The following TTC29 variants were observed in gnomAD, a reference collection of about 807,000 sequenced individuals.
The protein encoded by TTC29 is tetratricopeptide repeat domain 29.
Under a neutral mutation model 58.1 loss-of-function variants are expected in TTC29, and 49 were observed. The ratio of observed to expected loss-of-function variants is 0.84; its 90% CI spans 0.67 to 1.07. TTC29 has a LOEUF of 1.07. TTC29 is among the 50% of genes least tolerant of loss of function. TTC29 has a pLI of 0.00. For synonymous variants in TTC29, 209 were observed against 196.8 expected (o/e 1.06, Z -0.52); for missense variants, 582 against 555.6 (o/e 1.05, Z -0.48).
intron 6 of TTC29, among the ~76,000 whole-genome samples, chr4:146,901,004 C>T (rs866166060): frequency 6.6e-6 from 1 of 151,918 alleles, no homozygotes; most frequent in South Asian, 2.1e-4. Context: ...CCTATTTTCA[C>T]ATAATATGTA....
At chr4:146,862,783 G>C (rs1730319915) in intron 8 of TTC29, among the ~76,000 whole-genome samples, 1 of 152,168 alleles carries the variant, frequency 6.6e-6, no homozygotes. Flanking sequence ...CCCTTGCCTA[G>C]TTTCCCGAAG....
At chr4:146,895,414 C>T (rs1732702616) in intron 6 of TTC29, among the ~76,000 whole-genome samples, 1 of 152,248 alleles carries the variant, frequency 6.6e-6, no homozygotes, top group Admixed American at 6.5e-5. Context: ...CTATTATTTC[C>T]TTCTGGGTTT....
At chr4:146,882,777 C>T (rs1317209065) in intron 6 of TTC29, among the ~76,000 whole-genome samples, 1 of 152,028 alleles carries the variant, frequency 6.6e-6, no homozygotes, top group Non-Finnish European at 1.5e-5. Context: ...AGTTAACTTT[C>T]CCCCTCCACT....
intron 11 of TTC29, among the ~76,000 whole-genome samples, chr4:146,728,859 A>G (rs144475586): frequency 0.34 from 9,437 of 28,122 alleles, 2,703 homozygotes; most frequent in South Asian, 0.52. Context: ...ATATATATAC[A>G]CATATATATG....
At chr4:146,861,190 T>C (rs1730210611) in intron 8 of TTC29, among the ~76,000 whole-genome samples, 2 of 152,158 alleles carry the variant, frequency 1.3e-5, no homozygotes, top group Admixed American at 6.5e-5. Flanking sequence ...GGCCATTCCT[T>C]TTCCTTAAAA....
rs887629926 is a variant in TTC29 at position 146,796,935 on chromosome 4, C to A, written c.1330+6522G>T. On this transcript the variant is annotated intron_variant, in intron 11 of 12. Coordinates refer to ENST00000325106, the MANE Select transcript of TTC29 (RefSeq NM_031956.4). ...TGCAGTAGGCTGTGATGATCTGGGG[C>A]CCCAAAATACCCAGTATCAAAATAT... Among the ~76,000 whole-genome samples the A allele has an allele frequency of 4.6e-5, 7 of 152,040 alleles. 1 individual carries two copies. The East Asian group carries it at 1.4e-3, about 29-fold the overall frequency.
chr4:146,836,120 C>G (rs1378473114), intron 8 of TTC29, among the ~76,000 whole-genome samples: 1 of 152,086 alleles, frequency 6.6e-6, no homozygotes, highest in Non-Finnish European at 1.5e-5. Context: ...AAATCTACTT[C>G]TGAGAATGGT....
At chr4:146,749,648 C>T (rs1345839026) in intron 11 of TTC29, among the ~76,000 whole-genome samples, 1 of 151,972 alleles carries the variant, frequency 6.6e-6, no homozygotes, top group East Asian at 1.9e-4. Context: ...GGTAAAACTC[C>T]CCAAGTCCTG....
At chr4:146,834,876 C>A (rs937423094) in intron 8 of TTC29, among the ~76,000 whole-genome samples, 2 of 152,012 alleles carry the variant, frequency 1.3e-5, no homozygotes, top group South Asian at 2.1e-4. Flanking sequence ...GAGGCTATTG[C>A]GACACTTCAA....
chr4:146,715,638 G>C (rs1742873785), intron 11 of TTC29, among the ~76,000 whole-genome samples: 1 of 152,134 alleles, frequency 6.6e-6, no homozygotes, highest in African/African-American at 2.4e-5. Flanking sequence ...GAAGGTGGGA[G>C]ATGTTGGTTA....
chr4:146,717,527 C>G (rs1334432534), intron 11 of TTC29, among the ~76,000 whole-genome samples: 1 of 152,154 alleles, frequency 6.6e-6, no homozygotes, highest in Admixed American at 6.5e-5. Flanking sequence ...ATCCGCCCAC[C>G]TCAGCCTCCC....
At chr4:146,905,555 C>A (rs1161251084) in intron 5 of TTC29, among the ~76,000 whole-genome samples, 6 of 151,722 alleles carry the variant, frequency 4.0e-5, no homozygotes, top group Admixed American at 6.6e-5. Flanking sequence ...AGAATATATT[C>A]AAGTTTCAAA....
chr4:146,893,118 T>C (rs911071984), intron 6 of TTC29, among the ~76,000 whole-genome samples: 1 of 152,200 alleles, frequency 6.6e-6, no homozygotes, highest in Non-Finnish European at 1.5e-5. Flanking sequence ...AGGTAATTTA[T>C]AGATTCAGTG....
In TTC29 at chr4:146,738,572, G is replaced by C. The variant is rs143986898; in HGVS notation, c.1331-31021C>G. 7.1e-3 allele frequency among the ~76,000 whole-genome samples: 1,088 copies of C among 152,186 alleles called. 8 individuals carry two copies. Among genetic ancestry groups the C allele is most frequent in the African/African-American group, 0.025 (1,052 of 41,514 alleles). On this transcript the variant is annotated intron_variant, in intron 11 of 12. Transcript: ENST00000325106. ...GGTGTCCTGTGGTCTTATGATATATGTTGTTTCTCATCCACAGTTCCCGGT... is the reference window on the plus strand; with the variant it reads ...GGTGTCCTGTGGTCTTATGATATATCTTGTTTCTCATCCACAGTTCCCGGT...
At chr4:146,823,748 CCATTT>C (rs1279563271) in intron 9 of TTC29, among the ~76,000 whole-genome samples, 2 of 152,116 alleles carry the variant, frequency 1.3e-5, no homozygotes, top group Admixed American at 6.6e-5. Flanking sequence ...GAATGTTTCT[CCATTT>C]GTTTGTTTTC....
chr4:146,942,503 G>T, intron 2 of TTC29: 1 of 767,308 alleles, frequency 1.3e-6, no homozygotes, highest in Non-Finnish European at 2.0e-6. Context: ...GCATCATACA[G>T]AGCATATGGT....
At chr4:146,769,519 T>A (rs1207438089) in intron 11 of TTC29, among the ~76,000 whole-genome samples, 1 of 151,998 alleles carries the variant, frequency 6.6e-6, no homozygotes, top group African/African-American at 2.4e-5. Flanking sequence ...AAGCATATAT[T>A]TTTTATGCCT....
chr4:146,830,791 A>G (rs6857108), intron 9 of TTC29, among the ~76,000 whole-genome samples: 9,575 of 139,204 alleles, frequency 0.069, 404 homozygotes, highest in Admixed American at 0.13. Context: ...ATGTGCATGT[A>G]TGTATGTGTG....
intron 9 of TTC29, among the ~76,000 whole-genome samples, chr4:146,823,139 T>C (rs1366560266): frequency 6.6e-6 from 1 of 152,254 alleles, no homozygotes; most frequent in African/African-American, 2.4e-5. Context: ...TTGTTTTTGT[T>C]GCAATTGCTT....
Sources: allele counts gnomAD v4.1 joint callset (sites outside exome capture counted in the v4.1 genomes callset), GRCh38; gene constraint gnomAD v4.1.1; transcripts MANE v1.5; gene names NCBI Gene and HGNC (gene_info 2026-07-23, HGNC 2026-07-21).